Variants in CHST8 observed in about 807,000 individuals in gnomAD.
The protein encoded by CHST8 is carbohydrate sulfotransferase 8.
Under a neutral mutation model 15.0 loss-of-function variants are expected in CHST8, and 10 were observed. The ratio of observed to expected loss-of-function variants is 0.67; its 90% CI spans 0.41 to 1.13. The LOEUF (loss-of-function observed/expected upper bound fraction) is 1.13. Among genes scored for constraint, CHST8 ranks in the 50% most tolerant of loss-of-function variants. The pLI, the probability that CHST8 is intolerant of heterozygous loss-of-function variation, is 0.00. For missense variants in CHST8, 634 were observed against 608.2 expected (o/e 1.04, Z -0.45); for synonymous variants, 259 against 256.6 (o/e 1.01, Z -0.09).
At chr19:33,640,257 A>T (rs772657687) in intron 1 of CHST8, among the ~76,000 whole-genome samples, 41 of 152,216 alleles carry the variant, frequency 2.7e-4, no homozygotes, top group Non-Finnish European at 7.3e-5. Flanking sequence ...GCCACAAGGA[A>T]CTGGGCCAGA....
chr19:33,629,927 C>T (rs894913582), intron 1 of CHST8, among the ~76,000 whole-genome samples: 4 of 152,248 alleles, frequency 2.6e-5, no homozygotes, highest in Non-Finnish European at 5.9e-5. Flanking sequence ...CACTGTGGAC[C>T]CCTGGACATG....
At chr19:33,669,505 T>C (rs1972707518) in intron 2 of CHST8, among the ~76,000 whole-genome samples, 1 of 152,224 alleles carries the variant, frequency 6.6e-6, no homozygotes, top group African/African-American at 2.4e-5. Context: ...CTGTGGTTTT[T>C]ATTTCTTCCT....
At chr19:33,653,064 C>T (rs184889449) in intron 1 of CHST8, among the ~76,000 whole-genome samples, 101 of 152,284 alleles carry the variant, frequency 6.6e-4, no homozygotes, top group Non-Finnish European at 1.1e-3. Flanking sequence ...TTTCAACTTA[C>T]AGCTGTTTAC....
intron 1 of CHST8, among the ~76,000 whole-genome samples, chr19:33,648,653 C>T (rs1213288509): frequency 6.6e-6 from 1 of 152,094 alleles, no homozygotes; most frequent in Non-Finnish European, 1.5e-5. Flanking sequence ...TCTAGCAATT[C>T]CTCAAGAGGT....
intron 2 of CHST8, among the ~76,000 whole-genome samples, chr19:33,680,872 A>G (rs1972877342): frequency 6.6e-6 from 1 of 152,210 alleles, no homozygotes; most frequent in Non-Finnish European, 1.5e-5. Flanking sequence ...TTTTATTTGT[A>G]AGTTTTGATT....
chr19:33,688,321 G>A (rs1024386252), intron 2 of CHST8, among the ~76,000 whole-genome samples: 9 of 152,232 alleles, frequency 5.9e-5, no homozygotes, highest in East Asian at 1.9e-4. Context: ...CCTCTAGGAG[G>A]AAGCGGGGTA....
At chr19:33,633,376 T>C (rs1156665323) in intron 1 of CHST8, among the ~76,000 whole-genome samples, 1 of 152,188 alleles carries the variant, frequency 6.6e-6, no homozygotes, top group Admixed American at 6.5e-5. Context: ...TGTGTGTGTC[T>C]CTTAGTGATA....
intron 3 of CHST8, among the ~76,000 whole-genome samples, chr19:33,718,112 C>T (rs763072968): frequency 2.6e-5 from 4 of 152,198 alleles, no homozygotes; most frequent in African/African-American, 7.2e-5. Context: ...CTCCTCCCAG[C>T]TTGGAGTCCA....
At chr19:33,771,606 T>C (rs1974984220) in intron 4 of CHST8, among the ~76,000 whole-genome samples, 156 bp downstream of exon 4, 1 of 152,166 alleles carries the variant, frequency 6.6e-6, no homozygotes, top group African/African-American at 2.4e-5. Flanking sequence ...CCCAGGGCTC[T>C]GGACCCATGA....
Position 33,748,150 on chromosome 19 carries a change from C to T in CHST8, c.131-23263C>T, listed in dbSNP as rs527546058. Among the ~76,000 whole-genome samples the T allele has an allele frequency of 2.0e-5, 3 of 152,356 alleles. No individual in the cohort carries two copies. The East Asian group carries it at 5.8e-4, about 29-fold the overall frequency. ...CAGGCTGTTCGCACTGTCTGATCCA[C>T]GGCATCTAGGGCCTTAATCAATAGT... On this transcript the variant is annotated intron_variant, in intron 3 of 4. Transcript: ENST00000650847.
intron 1 of CHST8, among the ~76,000 whole-genome samples, chr19:33,661,683 C>A (rs529097886): frequency 1.3e-5 from 2 of 152,170 alleles, no homozygotes; most frequent in Non-Finnish European, 2.9e-5. Flanking sequence ...CCTGAATGGG[C>A]AGAGGAGCTG....
At chr19:33,691,528 C>T (rs879182926) in intron 3 of CHST8, among the ~76,000 whole-genome samples, 3 of 152,216 alleles carry the variant, frequency 2.0e-5, no homozygotes, top group Admixed American at 6.5e-5. Flanking sequence ...GTACTTCTCA[C>T]GGCAGCCTAA....
rs144251219 is a variant in CHST8, at chr19:33,634,347, T to G, written c.-164+12051T>G. 6.6e-5 allele frequency among the ~76,000 whole-genome samples: 10 copies of G among 152,338 alleles called. No individual in the cohort carries two copies. The East Asian group carries it at 1.9e-3, about 29-fold the overall frequency. ...CAGTTCATTTTTTTACCAAGGATAT[T>G]TTGGACCTGGAAACATTATTCAACA... On this transcript the variant is annotated intron_variant, in intron 1 of 4. Coordinates refer to ENST00000650847, the MANE Select transcript of CHST8 (RefSeq NM_001127895.2).
chr19:33,716,648 G>A (rs1209782840), intron 3 of CHST8, among the ~76,000 whole-genome samples: 3 of 152,170 alleles, frequency 2.0e-5, no homozygotes, highest in African/African-American at 7.2e-5. Flanking sequence ...AATTACAGAT[G>A]TGAGCCACCA....
At chr19:33,688,081 A>C (rs1030426457) in intron 2 of CHST8, among the ~76,000 whole-genome samples, 2 of 152,198 alleles carry the variant, frequency 1.3e-5, no homozygotes, top group Admixed American at 6.5e-5. Context: ...GCTGGAAAGT[A>C]AGGGGACAGA....
At chr19:33,727,103 C>T (rs972590579) in intron 3 of CHST8, among the ~76,000 whole-genome samples, 2 of 151,940 alleles carry the variant, frequency 1.3e-5, no homozygotes, top group African/African-American at 4.8e-5. Context: ...CGCCCGGGAG[C>T]CACTTCTGGC....
intron 2 of CHST8, among the ~76,000 whole-genome samples, chr19:33,683,235 T>C (rs534873507): frequency 1.2e-4 from 19 of 152,320 alleles, no homozygotes; most frequent in African/African-American, 4.3e-4. Context: ...ATCCAAACCA[T>C]GTCAGGGGAC....
At chr19:33,760,346 C>T (rs1194156708) in intron 3 of CHST8, among the ~76,000 whole-genome samples, 2 of 145,674 alleles carry the variant, frequency 1.4e-5, no homozygotes, top group African/African-American at 5.1e-5. Flanking sequence ...GAGACAGGAT[C>T]TCACTCTGTC....
At chr19:33,719,373 G>C (rs189424786) in intron 3 of CHST8, among the ~76,000 whole-genome samples, 1 of 152,276 alleles carries the variant, frequency 6.6e-6, no homozygotes, top group East Asian at 1.9e-4. Flanking sequence ...TCCTTGCTGG[G>C]GAGATGGGGA....
Sources: allele counts gnomAD v4.1 joint callset (sites outside exome capture counted in the v4.1 genomes callset), GRCh38; gene constraint gnomAD v4.1.1; transcripts MANE v1.5; gene names NCBI Gene and HGNC (gene_info 2026-07-23, HGNC 2026-07-21).